Variants in GALNT13 observed in about 807,000 individuals in gnomAD.
The protein encoded by GALNT13 is polypeptide N-acetylgalactosaminyltransferase 13.
In GALNT13, 28 loss-of-function variants were observed where a neutral mutation model predicts 64.2. The observed-to-expected ratio is 0.44, with a 90% CI of 0.32 to 0.60. The LOEUF is 0.60. Ranked by LOEUF, GALNT13 falls within the 20% of genes least tolerant of loss-of-function variation. The pLI, the probability that GALNT13 is intolerant of heterozygous loss-of-function variation, is 0.05. For synonymous variants in GALNT13, 214 were observed against 224.6 expected (o/e 0.95, Z 0.42); for missense variants, 577 against 669.8 (o/e 0.86, Z 1.53).
rs376322850 is a variant in GALNT13 at position 154,096,848 on chromosome 2, G to A, written c.143-43489G>A. 4.1e-4 allele frequency among the ~76,000 whole-genome samples: 62 copies of A among 152,114 alleles called. 2 individuals carry two copies. In the East Asian group the frequency reaches 8.7e-3, roughly 21 times the overall value. ...TGTGACTTTTATTAATGATAAAGAT[G>A]AAGTTGGAAGATACAGCTTATTAAG... On this transcript the variant is annotated intron_variant, in intron 3 of 12. Transcript: ENST00000392825.
At chr2:154,192,207 A>G (rs574602021) in intron 4 of GALNT13, among the ~76,000 whole-genome samples, 2 of 152,176 alleles carry the variant, frequency 1.3e-5, no homozygotes, top group African/African-American at 4.8e-5. Flanking sequence ...CCAGCCACTT[A>G]TCTTCTTCTG....
At chr2:154,238,942 G>A (rs1689337035) in intron 4 of GALNT13, among the ~76,000 whole-genome samples, 1 of 151,942 alleles carries the variant, frequency 6.6e-6, no homozygotes, top group South Asian at 2.1e-4. Flanking sequence ...ATCTCCAGAA[G>A]TTATTCATCC....
intron 4 of GALNT13, among the ~76,000 whole-genome samples, chr2:154,220,048 G>C (rs1688245419): frequency 6.6e-6 from 1 of 152,006 alleles, no homozygotes; most frequent in Non-Finnish European, 1.5e-5. Context: ...TCTTTAAGAA[G>C]ACTAATAAAA....
the GALNT13 span, among the ~76,000 whole-genome samples, chr2:153,720,623 G>C: frequency 6.6e-6 from 1 of 151,622 alleles, no homozygotes; most frequent in Admixed American, 6.6e-5. Context: ...TAAAGGAGCT[G>C]ATCGAGCTGA....
At chr2:154,307,600 A>C (rs1693808890) in intron 9 of GALNT13, among the ~76,000 whole-genome samples, 1 of 143,108 alleles carries the variant, frequency 7.0e-6, no homozygotes, top group Non-Finnish European at 1.6e-5. Context: ...AATAGTGTTC[A>C]AGAATAGATT....
the GALNT13 span, among the ~76,000 whole-genome samples, chr2:153,753,175 C>A: frequency 3.3e-5 from 5 of 152,112 alleles, no homozygotes; most frequent in South Asian, 1.0e-3. Flanking sequence ...TTTAAGTTTC[C>A]TCAACACAAG....
At chr2:153,379,444 A>G in the GALNT13 span, among the ~76,000 whole-genome samples, 1 of 152,138 alleles carries the variant, frequency 6.6e-6, no homozygotes, top group Non-Finnish European at 1.5e-5. Flanking sequence ...AATACTTACA[A>G]GGCTCCTTTA....
chr2:153,321,632 C>G, the GALNT13 span, among the ~76,000 whole-genome samples: 3 of 152,052 alleles, frequency 2.0e-5, no homozygotes, highest in Non-Finnish European at 4.4e-5. Flanking sequence ...TAGATTCCCC[C>G]AAAAAGGTTA....
At chr2:153,384,734 C>T in the GALNT13 span, among the ~76,000 whole-genome samples, 1 of 152,014 alleles carries the variant, frequency 6.6e-6, no homozygotes, top group Admixed American at 6.6e-5. Flanking sequence ...AACTTACAGC[C>T]TCTGCTTTAA....
intron 3 of GALNT13, among the ~76,000 whole-genome samples, chr2:153,976,975 G>A (rs768544233): frequency 1.3e-4 from 20 of 151,850 alleles, no homozygotes; most frequent in Non-Finnish European, 2.5e-4. Flanking sequence ...AATAATAGAG[G>A]GCATACTAGT....
intron 3 of GALNT13, among the ~76,000 whole-genome samples, chr2:154,067,513 C>G (rs1489113267): frequency 6.8e-6 from 1 of 146,498 alleles, no homozygotes; most frequent in Non-Finnish European, 1.6e-5. Flanking sequence ...AAGGAGATTT[C>G]AAGACAAAAC....
At chr2:154,272,965 A>G (rs1274181470) in intron 8 of GALNT13, among the ~76,000 whole-genome samples, 1 of 152,152 alleles carries the variant, frequency 6.6e-6, no homozygotes, top group Non-Finnish European at 1.5e-5. Flanking sequence ...AACTGCCATT[A>G]AATTCAAATG....
the GALNT13 span, among the ~76,000 whole-genome samples, chr2:153,098,251 C>T: frequency 1.3e-5 from 2 of 152,088 alleles, no homozygotes; most frequent in Non-Finnish European, 2.9e-5. Context: ...TCATGAAGGG[C>T]TCTTAGGAAT....
intron 10 of GALNT13, among the ~76,000 whole-genome samples, chr2:154,405,692 C>T (rs1008290278): frequency 2.6e-5 from 4 of 151,596 alleles, no homozygotes; most frequent in East Asian, 1.9e-4. Context: ...CCAGCCTGGG[C>T]GACAGAGTGA....
intron 1 of GALNT13, among the ~76,000 whole-genome samples, chr2:153,898,273 A>G (rs1288388515): frequency 6.6e-6 from 1 of 152,028 alleles, no homozygotes; most frequent in African/African-American, 2.4e-5. Flanking sequence ...AGGTGTATAT[A>G]TTTTTTAGGA....
intron 9 of GALNT13, among the ~76,000 whole-genome samples, chr2:154,342,939 T>C (rs1315984312): frequency 6.6e-6 from 1 of 152,040 alleles, no homozygotes; most frequent in Non-Finnish European, 1.5e-5. Flanking sequence ...GTAAGCTCAC[T>C]GTTCTTAGTA....
the GALNT13 span, among the ~76,000 whole-genome samples, chr2:153,572,734 ATGTATT>A: frequency 6.6e-6 from 1 of 151,888 alleles, no homozygotes; most frequent in Non-Finnish European, 1.5e-5. Context: ...TCTAATTTCT[ATGTATT>A]TGTATAGTTT....
the GALNT13 span, among the ~76,000 whole-genome samples, chr2:153,109,258 G>T: frequency 6.6e-6 from 1 of 152,112 alleles, no homozygotes; most frequent in Non-Finnish European, 1.5e-5. Context: ...TCAAGCCAAA[G>T]GTTGAAACAA....
At chr2:153,179,157 T>C in the GALNT13 span, among the ~76,000 whole-genome samples, 19 of 152,206 alleles carry the variant, frequency 1.2e-4, no homozygotes, top group African/African-American at 3.6e-4. Flanking sequence ...CTTCTAGTAG[T>C]TTTAAACTTT....
Sources: allele counts gnomAD v4.1 joint callset (sites outside exome capture counted in the v4.1 genomes callset), GRCh38; gene constraint gnomAD v4.1.1; transcripts MANE v1.5; gene names NCBI Gene and HGNC (gene_info 2026-07-23, HGNC 2026-07-21).